The following COL13A1 variants were observed in gnomAD, a reference collection of about 807,000 sequenced individuals.
COL13A1 encodes collagen alpha-1(XIII) chain.
Under a neutral mutation model 130.9 loss-of-function variants are expected in COL13A1, and 89 were observed. The ratio of observed to expected loss-of-function variants is 0.68; its 90% CI spans 0.57 to 0.81. COL13A1 has a LOEUF of 0.81. COL13A1 is among the 30% of genes least tolerant of loss of function. The pLI is 0.00. For missense variants in COL13A1, 879 were observed against 934.6 expected, an observed-to-expected ratio of 0.94 and a Z score of 0.78; for synonymous variants, 402 against 341.6, an observed-to-expected ratio of 1.18 and a Z score of -1.95.
At chr10:69,949,650 C>T (rs2069088392) in intron 38 of COL13A1, among the ~76,000 whole-genome samples, 1 of 152,232 alleles carries the variant, frequency 6.6e-6, no homozygotes, top group African/African-American at 2.4e-5. Flanking sequence ...CTAAGGGACA[C>T]ACACGCCAGT....
chr10:69,945,036 G>A (rs34052059), intron 36 of COL13A1, among the ~76,000 whole-genome samples: 15,795 of 152,304 alleles, frequency 0.1, 980 homozygotes, highest in Middle Eastern at 0.26. Flanking sequence ...GGGTGAGGGT[G>A]GAGGGTGTCA....
At chr10:69,918,150 G>A in intron 18 of COL13A1, 135 bp from the exon 19 acceptor site, 4 of 662,012 alleles carry the variant, frequency 6.0e-6, no homozygotes, top group Non-Finnish European at 1.0e-5. Flanking sequence ...AGGTGGGGTT[G>A]GTGGTTGCGG....
At chr10:69,844,155 A>G (rs1015334833) in intron 2 of COL13A1, among the ~76,000 whole-genome samples, 1 of 152,200 alleles carries the variant, frequency 6.6e-6, no homozygotes, top group Non-Finnish European at 1.5e-5. Flanking sequence ...CGGAGAGGGC[A>G]GGAGGACATT....
intron 1 of COL13A1, among the ~76,000 whole-genome samples, chr10:69,810,151 C>T (rs796675358): frequency 2.6e-4 from 39 of 152,250 alleles, no homozygotes; most frequent in African/African-American, 8.4e-4. Context: ...TCTCACTGAT[C>T]CAGATGTCCT....
chr10:69,859,157 G>A (rs1352575490), intron 2 of COL13A1, among the ~76,000 whole-genome samples: 1 of 152,226 alleles, frequency 6.6e-6, no homozygotes, highest in Non-Finnish European at 1.5e-5. Flanking sequence ...AATGATATGT[G>A]TAAGGTGCTT....
At chr10:69,935,843 C>G (rs971667678) in intron 32 of COL13A1, among the ~76,000 whole-genome samples, 1 of 151,720 alleles carries the variant, frequency 6.6e-6, no homozygotes. Context: ...AACCCTGTCT[C>G]TTCTAAAAAT....
intron 4 of COL13A1, among the ~76,000 whole-genome samples, chr10:69,873,273 C>A (rs115503513): frequency 0.02 from 3,038 of 152,320 alleles, 108 homozygotes; most frequent in African/African-American, 0.07. Context: ...ACTAATCCAA[C>A]AGCTTCTAAA....
At chr10:69,888,120 T>C (rs1033584028) in intron 8 of COL13A1, among the ~76,000 whole-genome samples, 184 bp from the exon 9 acceptor site, 1 of 152,192 alleles carries the variant, frequency 6.6e-6, no homozygotes, top group Non-Finnish European at 1.5e-5. Context: ...CTCAACCCCA[T>C]TTCAGGATGG....
chr10:69,930,176 C>A, intron 29 of COL13A1, 89 bp downstream of exon 29: 2 of 1,371,284 alleles, frequency 1.5e-6, no homozygotes, highest in Non-Finnish European at 2.0e-6. Flanking sequence ...AGAATTGGCC[C>A]TGGTGTGAGC....
chr10:69,933,448 G>A (rs2066424167), intron 31 of COL13A1, among the ~76,000 whole-genome samples: 1 of 152,166 alleles, frequency 6.6e-6, no homozygotes, highest in African/African-American at 2.4e-5. Flanking sequence ...ATATTTGCGG[G>A]CTCAGGGGCA....
At chr10:69,859,042 T>C (rs770643220) in intron 2 of COL13A1, among the ~76,000 whole-genome samples, 10 of 152,124 alleles carry the variant, frequency 6.6e-5, no homozygotes, top group Non-Finnish European at 1.5e-4. Context: ...GTTGTACGAC[T>C]ATGGGCCAGA....
chr10:69,931,962 T>C (rs963010250), intron 30 of COL13A1, among the ~76,000 whole-genome samples: 2 of 152,078 alleles, frequency 1.3e-5, no homozygotes, highest in African/African-American at 4.8e-5. Context: ...TCCAAGCTAC[T>C]GGTATTGGCA....
chr10:69,824,580 T>A (rs1227765), intron 2 of COL13A1, among the ~76,000 whole-genome samples: 2 of 152,118 alleles, frequency 1.3e-5, no homozygotes, highest in East Asian at 1.9e-4. Flanking sequence ...TGGAACCCAC[T>A]GGTCCTGGGC....
Position 69,932,385 on chromosome 10 carries a change from G to A in COL13A1, c.1684-175G>A, listed in dbSNP as rs192206977. Reference sequence around the variant, plus strand: ...AGAGAGTATCAGCCTCTCCTCCCCTGTACTAGAGCCTCAGATTCTGTCCTG... The same window carrying A: ...AGAGAGTATCAGCCTCTCCTCCCCTATACTAGAGCCTCAGATTCTGTCCTG... On this transcript the variant is annotated intron_variant, in intron 30 of 40. Transcript: ENST00000645393. 6.0e-3 allele frequency among the ~76,000 whole-genome samples: 912 copies of A among 152,230 alleles called. 9 individuals are homozygous for A. Among genetic ancestry groups the A allele is most frequent in the African/African-American group, 0.021 (875 of 41,536 alleles).
intron 2 of COL13A1, among the ~76,000 whole-genome samples, chr10:69,860,164 G>A (rs1222555996): frequency 6.6e-6 from 1 of 152,130 alleles, no homozygotes; most frequent in Admixed American, 6.5e-5. Context: ...AGTAGACGCA[G>A]TGACCAGCAG....
At chr10:69,849,959 T>G (rs1854276257) in intron 2 of COL13A1, among the ~76,000 whole-genome samples, 1 of 152,112 alleles carries the variant, frequency 6.6e-6, no homozygotes, top group Non-Finnish European at 1.5e-5. Flanking sequence ...TCTTAATGAT[T>G]TATTAGCCAC....
intron 1 of COL13A1, among the ~76,000 whole-genome samples, chr10:69,819,970 T>C (rs1845640182): frequency 6.6e-6 from 1 of 152,230 alleles, no homozygotes; most frequent in African/African-American, 2.4e-5. Flanking sequence ...TCCCTCTGAC[T>C]GGAACACACT....
At chr10:69,857,204 A>T (rs1046874432) in intron 2 of COL13A1, among the ~76,000 whole-genome samples, 6 of 152,224 alleles carry the variant, frequency 3.9e-5, no homozygotes, top group South Asian at 2.1e-4. Flanking sequence ...CCAACCTGGA[A>T]GCGACAGGGG....
Position 69,928,999 on chromosome 10 carries a change from G to A in COL13A1, c.1485G>A (p.Lys495=). The part of the protein sequence containing the change: ...PPGAPGIPGQ[K]GEIGLPGPPG... The stretch of plus-strand genomic sequence containing the variant: ...GAGCTCCAGGGATTCCAGGCCAGAA[G>A]GTAAATCTTATCTTGACAAAGGGGG... Residue 495 remains lysine, a splice_region_variant and synonymous_variant, in exon 28 of 41, where the codon AAG becomes AAA. Coordinates refer to ENST00000645393, the MANE Select transcript of COL13A1 (RefSeq NM_001368882.1). 2 of 1,612,718 alleles carry A rather than the reference G, an allele frequency of 1.2e-6. No individual in the cohort carries two copies. The highest frequency in any genetic ancestry group is 1.1e-5 in the South Asian group (1 of 90,822).
Sources: gnomAD v4.1 joint callset for allele counts (sites outside exome capture counted in the v4.1 genomes callset) on GRCh38, gnomAD v4.1.1 for gene constraint, MANE v1.5 for transcripts, NCBI Gene and HGNC (gene_info 2026-07-23, HGNC 2026-07-21) for gene names.